Variants in CCDC186 observed in about 807,000 individuals in gnomAD.
The protein encoded by CCDC186 is coiled-coil domain containing 186.
Under a neutral mutation model 113.7 loss-of-function variants are expected in CCDC186, and 49 were observed. That is an observed-to-expected ratio of 0.43 (90% CI 0.34 to 0.55). The LOEUF is 0.55. Ranked by LOEUF, CCDC186 falls within the 20% of genes least tolerant of loss-of-function variation. The pLI is 0.02. For missense variants in CCDC186, 890 were observed against 1,011.1 expected (o/e 0.88, Z 1.62); for synonymous variants, 355 against 345.8 (o/e 1.03, Z -0.30).
At chr10:114,163,439 C>T (rs2032239875) in intron 1 of CCDC186, 110 bp from the exon 2 acceptor site, 4 of 872,246 alleles carry the variant, frequency 4.6e-6, no homozygotes, top group African/African-American at 1.7e-5. Context: ...TTATCACTAA[C>T]AATTCCTTTA....
intron 7 of CCDC186, 48 bp from the exon 8 acceptor site, chr10:114,136,294 C>A (rs1172645313): frequency 7.2e-7 from 1 of 1,387,978 alleles, no homozygotes; most frequent in African/African-American, 1.4e-5. Context: ...AACCCATTTC[C>A]CGTTTGCCCT....
rs1024437657 is a variant in CCDC186 at position 114,124,443 on chromosome 10, T to A, written c.*700A>T. 4 of 152,206 alleles carry A rather than the reference T, an allele frequency of 2.6e-5. No homozygotes were observed. Among genetic ancestry groups the A allele is most frequent in the African/African-American group, 9.6e-5 (4 of 41,456 alleles). The allele number at this position is 152,206 out of a possible 1,614,324, so 9.4% of individuals were successfully genotyped here. Reference sequence around the variant, plus strand: ...CACAGGAATTTTCTAAATTAATATGTAATTTAAAATCATATTTTAAGTAAC... The same window carrying A: ...CACAGGAATTTTCTAAATTAATATGAAATTTAAAATCATATTTTAAGTAAC... On this transcript the variant is annotated 3_prime_UTR_variant, in exon 16 of 16. Transcript: ENST00000369287.
chr10:114,144,721 G>A (rs2031582966), intron 5 of CCDC186, 105 bp from the exon 6 acceptor site: 3 of 995,102 alleles, frequency 3.0e-6, no homozygotes, highest in Admixed American at 5.7e-5. Context: ...ATAATCAAGG[G>A]CTGGCACACT....
In CCDC186 at chr10:114,137,161, A is replaced by C. The variant is rs576826432; in HGVS notation, c.1326+25T>G. On this transcript the variant is annotated intron_variant, in intron 7 of 15. Coordinates refer to ENST00000369287, the MANE Select transcript of CCDC186 (RefSeq NM_018017.4). Reference sequence around the variant, plus strand: ...CTGATATTTGCTAAAATTTGATACTAATCTATTTTAAAAGTTATGCATACC... The same window carrying C: ...CTGATATTTGCTAAAATTTGATACTCATCTATTTTAAAAGTTATGCATACC... 78 of 1,512,884 alleles carry C rather than the reference A, an allele frequency of 5.2e-5. No homozygotes were observed. The South Asian group carries it at 8.4e-4, about 16-fold the overall frequency. The allele number at this position is 1,512,884 out of a possible 1,614,324, so 93.7% of individuals were successfully genotyped here. A position where few individuals can be genotyped will look rare whatever the true frequency, so the allele number is the denominator to read the frequency against.
intron 1 of CCDC186, among the ~76,000 whole-genome samples, chr10:114,168,460 C>A (rs1455714076): frequency 6.6e-6 from 1 of 152,156 alleles, no homozygotes; most frequent in East Asian, 1.9e-4. Context: ...TGATAAACTG[C>A]AAATATTGCC....
At position 114,163,171 on chromosome 10, in the gene CCDC186, T is replaced by C. The variant is rs977261664; in HGVS notation, c.98A>G (p.Asn33Ser). The stretch of plus-strand genomic sequence containing the variant: ...CTCATTTTCTAATTTGCTGCTTTCA[T>C]TGCCAGAAAACAAGTTGCATGAGTC... ...KEDSCNLFSG[N>S]ESSKLENESK... The change falls in exon 2 of 16, where the codon AAT becomes AGT. Residue 33 changes from asparagine (N) to serine (S), a missense_variant. Physicochemically the swap from Asn to Ser is conservative, Grantham distance 46. Transcript: ENST00000369287. 1.2e-5 allele frequency: 19 copies of C among 1,613,934 alleles called. No homozygotes were observed. The highest frequency in any genetic ancestry group is 1.6e-4 in the Middle Eastern group (1 of 6,082).
At chr10:114,167,203 T>A (rs1353090639) in intron 1 of CCDC186, among the ~76,000 whole-genome samples, 1 of 152,000 alleles carries the variant, frequency 6.6e-6, no homozygotes, top group Non-Finnish European at 1.5e-5. Context: ...GTATTTTCAG[T>A]GTAGACGGGG....
At position 114,145,561 on chromosome 10, in the gene CCDC186, C is replaced by G. The variant is rs539761557; in HGVS notation, c.1089G>C (p.Leu363=). The change falls in exon 5 of 16, where the codon CTG becomes CTC. Residue 363 remains leucine (L), a synonymous_variant. Coordinates refer to ENST00000369287, the MANE Select transcript of CCDC186 (RefSeq NM_018017.4). ...LSQEKGRLHQ[L]YETKEGETTR... is the part of the protein sequence containing the mutation. ...GCACAAGTTATACCTTAGTTTCATA[C>G]AGCTGGTGCAACCGTCCTTTCTCCT... 1.2e-6 allele frequency: 2 copies of G among 1,607,126 alleles called. No individual in the cohort carries two copies. Among genetic ancestry groups the G allele is most frequent in the Admixed American group, 1.7e-5 (1 of 58,700 alleles).
intron 1 of CCDC186, among the ~76,000 whole-genome samples, chr10:114,164,114 A>ATTTTTTT (rs35615169): frequency 6.3e-5 from 5 of 79,226 alleles, no homozygotes; most frequent in African/African-American, 1.9e-4. Context: ...ATATATATAT[A>ATTTTTTT]TTTTTTTTTT....
intron 3 of CCDC186, among the ~76,000 whole-genome samples, chr10:114,154,538 T>G (rs533948081): frequency 5.4e-4 from 82 of 152,130 alleles, no homozygotes; most frequent in African/African-American, 1.9e-3. Context: ...GAGACTGAAT[T>G]AGCATAATAA....
chr10:114,149,822 A>C lies in CCDC186; in HGVS notation c.888+1270T>G, dbSNP rs908171716. Reference sequence around the variant, plus strand: ...GAAGGAAGGAAGGAAGGAAGGCAGGAAGGCAGGAAGGCAGGAAGGCAGGCA... The same window carrying C: ...GAAGGAAGGAAGGAAGGAAGGCAGGCAGGCAGGAAGGCAGGAAGGCAGGCA... On this transcript the variant is annotated intron_variant, in intron 4 of 15. Coordinates refer to ENST00000369287, the MANE Select transcript of CCDC186 (RefSeq NM_018017.4). Among the ~76,000 whole-genome samples the C allele has an allele frequency of 2.5e-3, 282 of 112,942 alleles. 1 individual carries two copies. The highest frequency in any genetic ancestry group is 9.5e-3 in the African/African-American group (259 of 27,202). 74.1% of individuals were successfully genotyped at this position (112,942 alleles called of 152,430 possible).
intron 1 of CCDC186, chr10:114,165,887 A>G (rs1457081633): frequency 1.1e-6 from 1 of 878,934 alleles, no homozygotes; most frequent in Non-Finnish European, 1.4e-6. Flanking sequence ...CACATCTTTG[A>G]GTCAAATTAT....
rs763015249 is a variant in CCDC186, at chr10:114,157,643, C to T, written c.670G>A (p.Val224Ile). ...TTGTCTTTTTCTGAACAAATGTCTA[C>T]GAAGAGCTCCTGATGCTTCTTATTT... The part of the protein sequence containing the change: ...KENKKHQELF[V>I]DICSEKDNLR... The change falls in exon 3 of 16, where the codon GTA becomes ATA. Residue 224 changes from valine to isoleucine, a missense_variant. Val to Ile is a conservative substitution (Grantham distance 29). Coordinates refer to ENST00000369287, the MANE Select transcript of CCDC186 (RefSeq NM_018017.4). 2.6e-5 allele frequency: 41 copies of T among 1,605,332 alleles called. No homozygotes were observed. Among genetic ancestry groups the T allele is most frequent in the Middle Eastern group, 1.7e-4 (1 of 5,912 alleles).
chr10:114,163,139 G>T lies in CCDC186; in HGVS notation c.130C>A (p.Leu44Ile), dbSNP rs202144647. 1.2e-6 allele frequency: 2 copies of T among 1,614,032 alleles called. No homozygotes were observed. Among genetic ancestry groups the T allele is most frequent in the Non-Finnish European group, 1.7e-6 (2 of 1,179,958 alleles). ...ESSKLENESK[L>I]LSLNTDKTLC... ...GTTTTATCAGTGTTTAATGACAATA[G>T]TTTGGACTCATTTTCTAATTTGCTG... Residue 44 changes from leucine to isoleucine, a missense_variant, in exon 2 of 16, where the codon CTA becomes ATA. Coordinates refer to ENST00000369287, the MANE Select transcript of CCDC186 (RefSeq NM_018017.4).
intron 1 of CCDC186, among the ~76,000 whole-genome samples, chr10:114,169,078 T>A (rs560776960): frequency 6.6e-6 from 1 of 152,190 alleles, no homozygotes; most frequent in East Asian, 1.9e-4. Context: ...TATTATGAAT[T>A]CTACAGTATT....
chr10:114,173,986 T>C lies in CCDC186; in HGVS notation c.-62+29A>G, dbSNP rs1183763706. The C allele has an allele frequency of 6.4e-6, 3 of 467,216 alleles. No homozygotes were observed. In the East Asian group the frequency reaches 2.1e-4, roughly 33 times the overall value. 28.9% of individuals were successfully genotyped at this position (467,216 alleles called of 1,614,324 possible). On this transcript the variant is annotated intron_variant, in intron 1 of 15. Transcript: ENST00000369287. ...CCGCACCGCCACCGCGACTCACCGGTGTGCCCCGAGTACCCCTCAGACACT... is the reference window on the plus strand; with the variant it reads ...CCGCACCGCCACCGCGACTCACCGGCGTGCCCCGAGTACCCCTCAGACACT...
Position 114,151,204 on chromosome 10 carries a change from T to G in CCDC186, c.776A>C (p.Glu259Ala), listed in dbSNP as rs757606571. The G allele has an allele frequency of 1.3e-6, 2 of 1,572,956 alleles. No individual in the cohort carries two copies. The highest frequency in any genetic ancestry group is 2.2e-5 in the South Asian group (2 of 89,542). The change falls in exon 4 of 16, where the codon GAA becomes GCA. Residue 259 changes from glutamate (E) to alanine (A), a missense_variant. Transcript: ENST00000369287. ...AGCTTTAACTTCTTTATTAAGTTCT[T>G]CTATTCTTGATTCTAACTGTAAAGA... ...NTIKQLESRI[E>A]ELNKEVKASR...
rs548874816 is a variant in CCDC186, at chr10:114,144,382, T to G, written c.1221+115A>C. ...TCATTAACTGTTATTGCATTTGCTC[T>G]TAAAACTCATTCTAATCTGAAAGAG... On this transcript the variant is annotated intron_variant, in intron 6 of 15. Transcript: ENST00000369287. 486 of 1,330,220 alleles carry G rather than the reference T, an allele frequency of 3.7e-4. 3 individuals carry two copies. The South Asian group carries it at 3.9e-3, about 11-fold the overall frequency. 82.4% of individuals were successfully genotyped at this position (1,330,220 alleles called of 1,614,324 possible).
In CCDC186 at chr10:114,174,133, G is replaced by A. The variant is rs1026772171; in HGVS notation, c.-180C>T. ...GAGTGGGAGGAAAAGACCGCGGTGA[G>A]AAACACAGCCGACGCCTCACTCAGC... On this transcript the variant is annotated 5_prime_UTR_variant, in exon 1 of 16. Transcript: ENST00000369287. 11 of 471,876 alleles carry A rather than the reference G, an allele frequency of 2.3e-5. No homozygotes were observed. The highest frequency in any genetic ancestry group is 2.0e-4 in the African/African-American group (10 of 50,102). The allele number at this position is 471,876 out of a possible 1,614,324, so 29.2% of individuals were successfully genotyped here. A position where few individuals can be genotyped will look rare whatever the true frequency, so the allele number is the denominator to read the frequency against.
Sources: allele counts gnomAD v4.1 joint callset (sites outside exome capture counted in the v4.1 genomes callset), GRCh38; gene constraint gnomAD v4.1.1; transcripts MANE v1.5; gene names NCBI Gene and HGNC (gene_info 2026-07-23, HGNC 2026-07-21).